RPS6KA2: variants seen among roughly 807,000 people sequenced by gnomAD.
RPS6KA2 encodes the protein ribosomal protein S6 kinase A2.
RPS6KA2 carries 42 observed loss-of-function variants against 91.8 expected under a neutral mutation model. The ratio of observed to expected loss-of-function variants is 0.46; its 90% CI spans 0.36 to 0.59. RPS6KA2 has a LOEUF of 0.59. Among genes scored for constraint, RPS6KA2 ranks in the 20% least tolerant of loss-of-function variants. RPS6KA2 has a pLI of 0.00. For synonymous variants in RPS6KA2, 414 were observed against 393.6 expected (o/e 1.05, Z -0.61); for missense variants, 798 against 978.5 (o/e 0.82, Z 2.46).
At chr6:166,631,288 A>C (rs1163075666), upstream of RPS6KA2, among the ~76,000 whole-genome samples, 9 of 152,366 alleles carry the variant, frequency 5.9e-5, no homozygotes, top group East Asian at 1.7e-3. Flanking sequence ...CAGGAGAGGC[A>C]GGTGGAAACC....
At chr6:166,643,782 G>T (rs190180217) in intron 2 of RPS6KA2, among the ~76,000 whole-genome samples, 2 of 152,342 alleles carry the variant, frequency 1.3e-5, no homozygotes, top group African/African-American at 4.8e-5. Flanking sequence ...GTGACCCCCA[G>T]ACTTAGTCAG....
intron 10 of RPS6KA2, among the ~76,000 whole-genome samples, chr6:166,479,810 T>C (rs1781123001): frequency 6.6e-6 from 1 of 152,226 alleles, no homozygotes; most frequent in Non-Finnish European, 1.5e-5. Context: ...GCAGAATTTT[T>C]CTTTGCTTAC....
In RPS6KA2 at chr6:166,504,619, A is replaced by G. The variant is rs778677148; in HGVS notation, c.460-7T>C. ...CCTCCTCCGTGAACATGACCTAGTAAGAAAAAAACAAAAACAAAAACAAAA... is the reference window on the plus strand; with the variant it reads ...CCTCCTCCGTGAACATGACCTAGTAGGAAAAAAACAAAAACAAAAACAAAA... On this transcript the variant is annotated splice_region_variant and splice_polypyrimidine_tract_variant and intron_variant, in intron 5 of 20. Transcript: ENST00000265678. 6.3e-6 allele frequency: 10 copies of G among 1,592,858 alleles called. No homozygotes were observed. The highest frequency in any genetic ancestry group is 2.3e-5 in the South Asian group (2 of 88,422).
At chr6:166,525,456 G>A (rs1782992388) in intron 3 of RPS6KA2, among the ~76,000 whole-genome samples, 2 of 152,076 alleles carry the variant, frequency 1.3e-5, no homozygotes, top group Non-Finnish European at 1.5e-5. Context: ...GACCTCCCTC[G>A]GAAGTGACCC....
At chr6:166,769,266 T>C (rs1333853063) in intron 2 of RPS6KA2, among the ~76,000 whole-genome samples, 1 of 152,220 alleles carries the variant, frequency 6.6e-6, no homozygotes, top group African/African-American at 2.4e-5. Flanking sequence ...AATAAAACTT[T>C]TTCATTTGCC....
At chr6:166,537,073 T>C (rs2128494054) in intron 2 of RPS6KA2, among the ~76,000 whole-genome samples, 1 of 152,392 alleles carries the variant, frequency 6.6e-6, no homozygotes, top group South Asian at 2.1e-4. Context: ...TAAGATTCAC[T>C]CTGTAACAGA....
chr6:166,659,814 C>A (rs1471061647), intron 2 of RPS6KA2, among the ~76,000 whole-genome samples: 1 of 152,262 alleles, frequency 6.6e-6, no homozygotes, highest in African/African-American at 2.4e-5. Flanking sequence ...ACCAGCGAAC[C>A]TCGGGAGCCC....
Position 166,437,711 on chromosome 6 carries a change from A to G in RPS6KA2, c.1333-5221T>C, listed in dbSNP as rs985104939. 3.9e-5 allele frequency among the ~76,000 whole-genome samples: 6 copies of G among 152,206 alleles called. No homozygotes were observed. Among genetic ancestry groups the G allele is most frequent in the Non-Finnish European group, 7.3e-5 (5 of 68,046 alleles). On this transcript the variant is annotated intron_variant, in intron 14 of 20. Transcript: ENST00000265678. This position sits in a 1 kb window ranked among gnomAD's most constrained non-coding sequence, Gnocchi z 4.3. ...GGTTCAACATGGATGGCACACCACC[A>G]TGATCTTCCTGAGCACGGACACATG... is the stretch of plus-strand genomic sequence containing the variant.
chr6:166,626,652 C>T lies in RPS6KA2; in HGVS notation c.99+269G>A, dbSNP rs372731934. On this transcript the variant is annotated intron_variant, in intron 1 of 20. Coordinates refer to ENST00000265678, the MANE Select transcript of RPS6KA2 (RefSeq NM_021135.6). The surrounding 1 kb of genome is among the most constrained non-coding windows in gnomAD (Gnocchi z 4.1). ...GTGGCCCACAGGGGACCATCCCACACCCCGTGCAGCCAGCGGCGGAGAAAC... is the reference window on the plus strand; with the variant it reads ...GTGGCCCACAGGGGACCATCCCACATCCCGTGCAGCCAGCGGCGGAGAAAC... 3.3e-5 allele frequency among the ~76,000 whole-genome samples: 5 copies of T among 152,226 alleles called. No individual in the cohort carries two copies. Among genetic ancestry groups the T allele is most frequent in the Non-Finnish European group, 2.9e-5 (2 of 68,032 alleles).
chr6:166,591,351 C>T lies in RPS6KA2; in HGVS notation c.99+35570G>A, dbSNP rs541364312. ...TGGCTGCTTCCGTCCAAATGGCGCTCGGCATGGGCATGGTTTGATGTGTGC... is the reference window on the plus strand; with the variant it reads ...TGGCTGCTTCCGTCCAAATGGCGCTTGGCATGGGCATGGTTTGATGTGTGC... On this transcript the variant is annotated intron_variant, in intron 1 of 20. Coordinates refer to ENST00000265678, the MANE Select transcript of RPS6KA2 (RefSeq NM_021135.6). Among the ~76,000 whole-genome samples the T allele has an allele frequency of 1.9e-3, 295 of 152,250 alleles. 1 individual carries two copies. The highest frequency in any genetic ancestry group is 6.8e-3 in the African/African-American group (281 of 41,540).
intron 2 of RPS6KA2, among the ~76,000 whole-genome samples, chr6:166,719,129 C>A (rs75824788): frequency 0.013 from 1,971 of 152,292 alleles, 47 homozygotes; most frequent in African/African-American, 0.045. Context: ...ACAGACAACA[C>A]GTAAATGAAT....
chr6:166,643,356 C>G (rs1787505650), intron 2 of RPS6KA2, among the ~76,000 whole-genome samples: 1 of 152,016 alleles, frequency 6.6e-6, no homozygotes, highest in African/African-American at 2.4e-5. Flanking sequence ...TAACAAGATA[C>G]ATAAAAAGTT....
intron 2 of RPS6KA2, among the ~76,000 whole-genome samples, chr6:166,709,152 G>T (rs1422774317): frequency 6.6e-6 from 1 of 152,166 alleles, no homozygotes; most frequent in East Asian, 1.9e-4. Context: ...CAGCACTGAA[G>T]TTCATCTCAC....
chr6:166,706,821 G>A (rs1789693651), intron 2 of RPS6KA2, among the ~76,000 whole-genome samples: 1 of 152,212 alleles, frequency 6.6e-6, no homozygotes, highest in African/African-American at 2.4e-5. Context: ...GAGAGGGTGG[G>A]ATCGGGAGGA....
At position 166,563,570 on chromosome 6, in the gene RPS6KA2, C is replaced by G. The variant is rs1353575921; in HGVS notation, c.100-24786G>C. ...GCTGACCAGTCACCAGACTCACCCC[C>G]ACCCGCCCTCTCCCCTCCACACAGG... On this transcript the variant is annotated intron_variant, in intron 1 of 20. Transcript: ENST00000265678. This position sits in a 1 kb window ranked among gnomAD's most constrained non-coding sequence, Gnocchi z 4.1. Among the ~76,000 whole-genome samples, 1 of 152,140 alleles carries G rather than the reference C, an allele frequency of 6.6e-6. No individual in the cohort carries two copies. The highest frequency in any genetic ancestry group is 1.9e-4 in the East Asian group (1 of 5,176).
At chr6:166,597,559 T>C (rs991448421) in intron 1 of RPS6KA2, among the ~76,000 whole-genome samples, 1 of 151,998 alleles carries the variant, frequency 6.6e-6, no homozygotes, top group Non-Finnish European at 1.5e-5. Context: ...GGAATAAAGA[T>C]AGAGGAGACA....
chr6:166,633,501 A>G (rs940616092), intron 2 of RPS6KA2, among the ~76,000 whole-genome samples: 5 of 152,268 alleles, frequency 3.3e-5, no homozygotes, highest in African/African-American at 1.2e-4. Context: ...TCTGTGGAAA[A>G]TAAATCTTCT....
chr6:166,783,742 A>T (rs1204768686), intron 2 of RPS6KA2, among the ~76,000 whole-genome samples: 1 of 145,630 alleles, frequency 6.9e-6, no homozygotes, highest in Non-Finnish European at 1.5e-5. Context: ...ACGCGTGGAC[A>T]CCTATCTAAA....
chr6:166,788,686 G>A (rs537098851), intron 2 of RPS6KA2, among the ~76,000 whole-genome samples: 53 of 152,224 alleles, frequency 3.5e-4, no homozygotes, highest in African/African-American at 1.0e-3. Flanking sequence ...GGGCCTGTCC[G>A]GGGTGAGGGG....
Sources: gnomAD v4.1 joint callset for allele counts (sites outside exome capture counted in the v4.1 genomes callset) on GRCh38, gnomAD v4.1.1 for gene constraint, Gnocchi (gnomAD v3.1) non-coding constraint, MANE v1.5 for transcripts, NCBI Gene and HGNC (gene_info 2026-07-23, HGNC 2026-07-21) for gene names.